The following XRN1 variants were observed in gnomAD, a reference collection of about 807,000 sequenced individuals.
XRN1 encodes the protein strand-exchange protein 1 homolog.
XRN1 carries 67 observed loss-of-function variants against 222.3 expected under a neutral mutation model. The ratio of observed to expected loss-of-function variants is 0.30; its 90% CI spans 0.25 to 0.37. The LOEUF is 0.37. Among genes scored for constraint, XRN1 ranks in the 10% least tolerant of loss-of-function variants. The probability of loss-of-function intolerance (pLI) is 1.00; values close to 1 mark genes in which losing one functional copy is unlikely to be tolerated. For synonymous variants in XRN1, 643 were observed against 652.4 expected (o/e 0.99, Z 0.22); for missense variants, 1,707 against 2,000.2 (o/e 0.85, Z 2.80).
rs773856805 is a variant in XRN1, at chr3:142,447,144, C to T, written c.75+726G>A. Among the ~76,000 whole-genome samples, 7 of 152,172 alleles carry T rather than the reference C, an allele frequency of 4.6e-5. No homozygotes were observed. Among genetic ancestry groups the T allele is most frequent in the Non-Finnish European group, 8.8e-5 (6 of 68,042 alleles). The stretch of plus-strand genomic sequence containing the variant: ...TTCGGAATCTACACATTAACGTTGT[C>T]CTGGGGTCAGTACATGCCAAATATT... On this transcript the variant is annotated intron_variant, in intron 1 of 40. Transcript: ENST00000392981. The surrounding 1 kb of genome is among the most constrained non-coding windows in gnomAD (Gnocchi z 4.2).
chr3:142,355,539 G>A, intron 31 of XRN1, 43 bp from the exon 32 acceptor site: 1 of 1,249,236 alleles, frequency 8.0e-7, no homozygotes. Context: ...GAAATAGGAA[G>A]AAATAAAAAT....
At chr3:142,409,444 ATG>A (rs1559858838) in intron 15 of XRN1, among the ~76,000 whole-genome samples, 1 of 152,194 alleles carries the variant, frequency 6.6e-6, no homozygotes, top group Non-Finnish European at 1.5e-5. Flanking sequence ...TACTCACTGA[ATG>A]CTTTGGTGCC....
chr3:142,384,141 G>A (rs934765249), intron 21 of XRN1, among the ~76,000 whole-genome samples: 14 of 151,848 alleles, frequency 9.2e-5, no homozygotes, highest in East Asian at 3.9e-4. Flanking sequence ...GTGTGCTGGC[G>A]GGCACCTGTA....
At chr3:142,430,986 A>C (rs556107286) in intron 2 of XRN1, among the ~76,000 whole-genome samples, 2 of 152,322 alleles carry the variant, frequency 1.3e-5, no homozygotes, top group South Asian at 4.1e-4. Flanking sequence ...CATCAATTGC[A>C]TTCTGATCTC....
At chr3:142,373,779 G>A (rs937433787) in intron 25 of XRN1, among the ~76,000 whole-genome samples, 2 of 152,086 alleles carry the variant, frequency 1.3e-5, no homozygotes, top group African/African-American at 4.8e-5. Context: ...CTTGAGGTCA[G>A]GGGTTTGAGA....
intron 39 of XRN1, among the ~76,000 whole-genome samples, chr3:142,314,830 A>G (rs960639478): frequency 7.4e-6 from 1 of 135,436 alleles, no homozygotes; most frequent in Non-Finnish European, 1.5e-5. Context: ...ACTGAGCCCA[A>G]GGAGGTTGAG....
intron 2 of XRN1, among the ~76,000 whole-genome samples, chr3:142,431,853 A>AT (rs2069547783): frequency 5.1e-5 from 2 of 39,320 alleles, no homozygotes; most frequent in South Asian, 8.7e-4. Context: ...AAAAATATAT[A>AT]TATTATATAT....
At chr3:142,339,878 A>G (rs1248228241) in intron 33 of XRN1, among the ~76,000 whole-genome samples, 1 of 152,244 alleles carries the variant, frequency 6.6e-6, no homozygotes, top group Non-Finnish European at 1.5e-5. Flanking sequence ...ATTCTAGATA[A>G]CACAGAGAAA....
At chr3:142,407,749 T>C (rs1027272309) in intron 15 of XRN1, 3 of 152,362 alleles carry the variant, frequency 2.0e-5, no homozygotes, top group African/African-American at 7.2e-5. Flanking sequence ...TTTTTAAGTA[T>C]ATGTACTGCT....
chr3:142,395,181 T>C (rs2067881476), intron 20 of XRN1, among the ~76,000 whole-genome samples: 1 of 152,130 alleles, frequency 6.6e-6, no homozygotes, highest in Non-Finnish European at 1.5e-5. Context: ...GCAACAGTAA[T>C]CTTGTGAATT....
intron 33 of XRN1, among the ~76,000 whole-genome samples, chr3:142,336,310 G>C (rs1047774161): frequency 3.3e-5 from 5 of 151,978 alleles, no homozygotes; most frequent in Non-Finnish European, 5.9e-5. Flanking sequence ...CTATTATATT[G>C]GATATACTGG....
At chr3:142,387,733 G>A (rs138046037) in intron 20 of XRN1, among the ~76,000 whole-genome samples, 2 of 152,314 alleles carry the variant, frequency 1.3e-5, no homozygotes, top group African/African-American at 4.8e-5. Flanking sequence ...GTTGGAGATG[G>A]AGCCTGGTGA....
intron 2 of XRN1, among the ~76,000 whole-genome samples, chr3:142,431,857 TA>T (rs1474338468): frequency 0.045 from 1,642 of 36,868 alleles, 126 homozygotes; most frequent in African/African-American, 0.23. Flanking sequence ...ATATATATAT[TA>T]TATATAATAT....
intron 20 of XRN1, among the ~76,000 whole-genome samples, chr3:142,394,165 C>T (rs1244137355): frequency 6.6e-6 from 1 of 152,140 alleles, no homozygotes; most frequent in African/African-American, 2.4e-5. Flanking sequence ...ACTTTCTTCA[C>T]TTCTCCCTCT....
intron 16 of XRN1, 148 bp from the exon 17 acceptor site, chr3:142,404,137 AG>A (rs1577373583): frequency 1.5e-6 from 1 of 684,094 alleles, no homozygotes; most frequent in East Asian, 2.8e-5. Flanking sequence ...AAACACAAGC[AG>A]ATAACCAGCC....
chr3:142,322,946 T>C (rs1414822662), intron 37 of XRN1, among the ~76,000 whole-genome samples: 2 of 152,050 alleles, frequency 1.3e-5, no homozygotes, highest in Non-Finnish European at 2.9e-5. Context: ...GAGGTTGCAG[T>C]GAGCTGAGAT....
At chr3:142,445,851 A>C (rs148143767) in intron 1 of XRN1, among the ~76,000 whole-genome samples, 49 of 152,242 alleles carry the variant, frequency 3.2e-4, no homozygotes, top group African/African-American at 1.1e-3. Flanking sequence ...TGGAGTGAAT[A>C]AAACTCCTCT....
chr3:142,338,847 G>C (rs1282244758), intron 33 of XRN1, among the ~76,000 whole-genome samples: 1 of 152,208 alleles, frequency 6.6e-6, no homozygotes, highest in Non-Finnish European at 1.5e-5. Flanking sequence ...GACGGCCACG[G>C]GGAAATACTC....
intron 5 of XRN1, among the ~76,000 whole-genome samples, chr3:142,424,750 A>G (rs1391811330): frequency 6.6e-6 from 1 of 152,132 alleles, no homozygotes; most frequent in Non-Finnish European, 1.5e-5. Context: ...GAGACAGATG[A>G]TTAGGGGTAG....
Sources: gnomAD v4.1 joint callset for allele counts (sites outside exome capture counted in the v4.1 genomes callset) on GRCh38, gnomAD v4.1.1 for gene constraint, Gnocchi (gnomAD v3.1) non-coding constraint, MANE v1.5 for transcripts, NCBI Gene and HGNC (gene_info 2026-07-23, HGNC 2026-07-21) for gene names.